Variants in ATOSA observed in about 807,000 individuals in gnomAD.
ATOSA encodes the protein atos homolog A.
chr15:52,676,391 AAATAG>A, the ATOSA span, among the ~76,000 whole-genome samples: 1 of 152,168 alleles, frequency 6.6e-6, no homozygotes, highest in African/African-American at 2.4e-5. Flanking sequence ...TCAAAACGTG[AAATAG>A]AATAGAAAAT....
At chr15:52,644,926 G>A in the ATOSA span, among the ~76,000 whole-genome samples, 14 of 152,224 alleles carry the variant, frequency 9.2e-5, no homozygotes, top group Admixed American at 6.5e-4. Flanking sequence ...ATGCTTATGT[G>A]AGCAGCTGAG....
At chr15:52,629,143 T>G in the ATOSA span, among the ~76,000 whole-genome samples, 1 of 152,180 alleles carries the variant, frequency 6.6e-6, no homozygotes, top group Non-Finnish European at 1.5e-5. Context: ...TTTTTTTGGA[T>G]TGCTTTTAAC....
the ATOSA span, among the ~76,000 whole-genome samples, chr15:52,666,271 C>T: frequency 6.6e-6 from 1 of 152,144 alleles, no homozygotes; most frequent in Non-Finnish European, 1.5e-5. Flanking sequence ...CCTCAAACTA[C>T]AAACACTACA....
At chr15:52,686,276 C>T in the ATOSA span, among the ~76,000 whole-genome samples, 1 of 152,164 alleles carries the variant, frequency 6.6e-6, no homozygotes. Flanking sequence ...CACAATAATA[C>T]TTTTCATGGT....
At chr15:52,632,567 AG>A in the ATOSA span, among the ~76,000 whole-genome samples, 3 of 152,188 alleles carry the variant, frequency 2.0e-5, no homozygotes, top group African/African-American at 4.8e-5. Flanking sequence ...ATGAGGAAAA[AG>A]GACTCTGCCC....
the ATOSA span, among the ~76,000 whole-genome samples, chr15:52,623,042 A>G: frequency 6.6e-6 from 1 of 151,878 alleles, no homozygotes; most frequent in Non-Finnish European, 1.5e-5. Context: ...GCCTGTGGTT[A>G]CAGCTACTTG....
At chr15:52,673,934 T>C in the ATOSA span, among the ~76,000 whole-genome samples, 1 of 152,228 alleles carries the variant, frequency 6.6e-6, no homozygotes, top group Admixed American at 6.5e-5. Flanking sequence ...AACTAAGCAC[T>C]TCTCTATTTT....
At chr15:52,643,924 A>AG in the ATOSA span, among the ~76,000 whole-genome samples, 75 of 150,598 alleles carry the variant, frequency 5.0e-4, 2 homozygotes, top group Admixed American at 1.1e-3. Flanking sequence ...AAACAAACAA[A>AG]CAAAAAAAAA....
the ATOSA span, among the ~76,000 whole-genome samples, chr15:52,644,930 A>G: frequency 6.6e-6 from 1 of 152,272 alleles, no homozygotes; most frequent in African/African-American, 2.4e-5. Flanking sequence ...TTATGTGAGC[A>G]GCTGAGGGCA....
chr15:52,654,143 G>GATATC, the ATOSA span, among the ~76,000 whole-genome samples: 128,882 of 151,576 alleles, frequency 0.85, 55,377 homozygotes, highest in East Asian at 0.99. Flanking sequence ...AAAGGGTAGT[G>GATATC]ATATATCTAT....
At chr15:52,694,765 T>C in the ATOSA span, among the ~76,000 whole-genome samples, 49,715 of 152,020 alleles carry the variant, frequency 0.33, 9,787 homozygotes, top group South Asian at 0.45. Flanking sequence ...GTTTGTGATA[T>C]ACATAGAATC....
At chr15:52,618,974 CTTAG>C in the ATOSA span, among the ~76,000 whole-genome samples, 3 of 152,138 alleles carry the variant, frequency 2.0e-5, no homozygotes, top group Non-Finnish European at 4.4e-5. Flanking sequence ...ACTTACTGAA[CTTAG>C]TGTGTTAAAT....
At chr15:52,625,769 C>T in the ATOSA span, among the ~76,000 whole-genome samples, 1 of 152,130 alleles carries the variant, frequency 6.6e-6, no homozygotes, top group African/African-American at 2.4e-5. Flanking sequence ...TCATGTAAAA[C>T]CCAAACATTC....
chr15:52,673,801 T>C, the ATOSA span, among the ~76,000 whole-genome samples: 1 of 152,240 alleles, frequency 6.6e-6, no homozygotes, highest in Non-Finnish European at 1.5e-5. Context: ...CTTTCCTATT[T>C]CACCTGCCCA....
At chr15:52,674,617 CCTT>C in the ATOSA span, among the ~76,000 whole-genome samples, 2 of 152,134 alleles carry the variant, frequency 1.3e-5, no homozygotes, top group African/African-American at 2.4e-5. Context: ...CTGCAAGTAT[CCTT>C]CTGTAGCTTT....
chr15:52,648,916 G>A, the ATOSA span: 1 of 152,078 alleles, frequency 6.6e-6, no homozygotes, highest in African/African-American at 2.4e-5. Context: ...GAGTAAAACT[G>A]AGGAATCCAG....
the ATOSA span, among the ~76,000 whole-genome samples, chr15:52,660,819 T>A: frequency 4.6e-5 from 7 of 152,106 alleles, no homozygotes; most frequent in African/African-American, 1.4e-4. Context: ...TCCCAGCTAA[T>A]TTTTTTATAT....
At chr15:52,609,266 A>C in the ATOSA span, 4 of 1,613,752 alleles carry the variant, frequency 2.5e-6, no homozygotes, top group Admixed American at 6.7e-5. Context: ...ATGTCTCCTA[A>C]CAAGGAACAT....
the ATOSA span, chr15:52,679,380 C>G: frequency 6.5e-6 from 1 of 152,888 alleles, no homozygotes; most frequent in Non-Finnish European, 1.5e-5. Context: ...TTTGCCCTGT[C>G]AAAACACTGC....
Sources: gnomAD v4.1 joint callset for allele counts (sites outside exome capture counted in the v4.1 genomes callset) on GRCh38, gnomAD v4.1.1 for gene constraint, MANE v1.5 for transcripts, NCBI Gene and HGNC (gene_info 2026-07-23, HGNC 2026-07-21) for gene names.